CLINT1: variants seen among roughly 807,000 people sequenced by gnomAD.
CLINT1 encodes the protein clathrin interactor 1.
A neutral mutation model predicts 70.4 loss-of-function variants in CLINT1; 15 were observed. That is an observed-to-expected ratio of 0.21 (90% CI 0.14 to 0.33). CLINT1 has a LOEUF of 0.33. CLINT1 is among the 10% of genes least tolerant of loss of function. The pLI, the probability that CLINT1 is intolerant of heterozygous loss-of-function variation, is 1.00. For missense variants in CLINT1, 615 were observed against 778.1 expected (o/e 0.79, Z 2.49); for synonymous variants, 227 against 254.7 (o/e 0.89, Z 1.04).
rs181304995 is a variant in CLINT1 at position 157,791,576 on chromosome 5, C to A, written c.1380+127G>T. The A allele has an allele frequency of 4.5e-3, 3,706 of 830,596 alleles. 86 individuals are homozygous for A. In the African/African-American group the frequency reaches 0.056, roughly 12 times the overall value. 51.5% of individuals were successfully genotyped at this position (830,596 alleles called of 1,614,324 possible). ...GTGCAAATGCGTATATATACACACA[C>A]AGACACATATTCATACACATAAAAA... is the stretch of plus-strand genomic sequence containing the variant. On this transcript the variant is annotated intron_variant, in intron 10 of 11. Transcript: ENST00000411809.
chr5:157,816,780 G>A lies in CLINT1; in HGVS notation c.197C>T (p.Ser66Leu). 6.2e-7 allele frequency: 1 copy of A among 1,610,690 alleles called. No individual in the cohort carries two copies. Among genetic ancestry groups the A allele is most frequent in the Non-Finnish European group, 8.5e-7 (1 of 1,178,906 alleles). Residue 66 changes from serine to leucine, a missense_variant, in exon 3 of 12, where the codon TCA becomes TTA. This residue lies in a region of CLINT1 where 241 missense variants were observed against 368.6 expected (regional missense o/e 0.65). Coordinates refer to ENST00000411809, the MANE Select transcript of CLINT1 (RefSeq NM_014666.4). ...CTTTTTGTTGTCTTTTAACATTCGT[G>A]ACCAAAGCATGTTCATAAGTTCTGG... ...QFPELMNMLW[S>L]RMLKDNKKNW...
intron 1 of CLINT1, among the ~76,000 whole-genome samples, chr5:157,833,585 T>C (rs1763317846): frequency 6.6e-6 from 1 of 152,090 alleles, no homozygotes. Flanking sequence ...CCAAAACAGT[T>C]GGGAGTCTGT....
At chr5:157,840,571 T>G (rs544146740) in intron 1 of CLINT1, among the ~76,000 whole-genome samples, 1 of 147,100 alleles carries the variant, frequency 6.8e-6, no homozygotes. Context: ...GGGAAGTAAG[T>G]GTGTGTGTGT....
In CLINT1 at chr5:157,789,396, G is replaced by C. The variant is rs760979035; in HGVS notation, c.1498C>G (p.Gln500Glu). ...LPGMQPSKPQ[Q>E]PSLNTMIQQQ... Reference sequence around the variant, plus strand: ...TGAATCATTGTATTCAGTGATGGCTGCTGGGGTTTGGAAGGCTGCATACCA... The same window carrying C: ...TGAATCATTGTATTCAGTGATGGCTCCTGGGGTTTGGAAGGCTGCATACCA... The change falls in exon 11 of 12, where the codon CAG becomes GAG. Residue 500 changes from glutamine to glutamate, a missense_variant. Transcript: ENST00000411809. 1 of 1,614,000 alleles carries C rather than the reference G, an allele frequency of 6.2e-7. No individual in the cohort carries two copies. The highest frequency in any genetic ancestry group is 8.5e-7 in the Non-Finnish European group (1 of 1,179,870).
At position 157,811,365 on chromosome 5, in the gene CLINT1, A is replaced by T. The variant is rs1392757476; in HGVS notation, c.518-1560T>A. On this transcript the variant is annotated intron_variant, in intron 5 of 11. Coordinates refer to ENST00000411809, the MANE Select transcript of CLINT1 (RefSeq NM_014666.4). ...AAGACCAGCCTGGCCAACATGGCGA[A>T]ACCCTAAAAATACAAAAATTGGCGA... is the stretch of plus-strand genomic sequence containing the variant. Among the ~76,000 whole-genome samples, 3 of 151,990 alleles carry T rather than the reference A, an allele frequency of 2.0e-5. No homozygotes were observed. The East Asian group carries it at 5.8e-4, about 29-fold the overall frequency.
At chr5:157,851,561 G>A (rs1043761201) in intron 1 of CLINT1, among the ~76,000 whole-genome samples, 3 of 151,480 alleles carry the variant, frequency 2.0e-5, no homozygotes, top group African/African-American at 7.3e-5. Context: ...TGTGACATGT[G>A]TCTGTCGTCC....
chr5:157,813,232 G>A lies in CLINT1; in HGVS notation c.353-5C>T, dbSNP rs1229662128. On this transcript the variant is annotated splice_polypyrimidine_tract_variant and splice_region_variant and intron_variant, in intron 4 of 11. Transcript: ENST00000411809. ...CTTGATCCTTACCATGCTCATCTAT[G>A]AGGATGGTAAGAGATAAGCAAAACC... 3.1e-6 allele frequency: 5 copies of A among 1,610,436 alleles called. No homozygotes were observed. Among genetic ancestry groups the A allele is most frequent in the Non-Finnish European group, 4.2e-6 (5 of 1,179,074 alleles).
At chr5:157,823,002 C>T (rs968802519) in intron 1 of CLINT1, among the ~76,000 whole-genome samples, 2 of 152,042 alleles carry the variant, frequency 1.3e-5, no homozygotes, top group Non-Finnish European at 2.9e-5. Flanking sequence ...CCCAGTTTGC[C>T]TTTTAAATTT....
rs1361177019 is a variant in CLINT1 at position 157,842,487 on chromosome 5, G to A, written c.41+16443C>T. 5.3e-5 allele frequency among the ~76,000 whole-genome samples: 8 copies of A among 152,290 alleles called. No individual in the cohort carries two copies. The East Asian group carries it at 1.3e-3, about 26-fold the overall frequency. On this transcript the variant is annotated intron_variant, in intron 1 of 11. Transcript: ENST00000411809. ...AGGTCTTATAATTGTTCTAGTTAAT[G>A]ACAGAAGTTAATAAACACTAGCAAA...
chr5:157,814,270 G>A lies in CLINT1; in HGVS notation c.267C>T (p.Leu89=). Residue 89 remains leucine (L), a synonymous_variant, in exon 4 of 12, where the codon CTC becomes CTT. Transcript: ENST00000411809. ...CAACACGCTCTGATCCATTCCTTAT[G>A]AGGTAAGCTAGGAGCAGCAACGACT... is the stretch of plus-strand genomic sequence containing the variant. ...VYKSLLLLAY[L]IRNGSERVVT... 1 of 1,610,158 alleles carries A rather than the reference G, an allele frequency of 6.2e-7. No homozygotes were observed. The highest frequency in any genetic ancestry group is 1.3e-5 in the African/African-American group (1 of 74,982).
intron 6 of CLINT1, 73 bp downstream of exon 6, chr5:157,809,554 CA>C: frequency 7.8e-7 from 1 of 1,276,438 alleles, no homozygotes; most frequent in South Asian, 1.8e-5. Context: ...ACAAAACCAA[CA>C]AAAAACCAAA....
At chr5:157,814,683 T>C (rs1451203220) in intron 3 of CLINT1, among the ~76,000 whole-genome samples, 3 of 152,244 alleles carry the variant, frequency 2.0e-5, no homozygotes, top group South Asian at 2.1e-4. Context: ...AACAATCCTA[T>C]AGTATTTTCC....
At chr5:157,809,569 C>A in intron 6 of CLINT1, 59 bp downstream of exon 6, 1 of 1,447,362 alleles carries the variant, frequency 6.9e-7, no homozygotes. Context: ...AACCAAAAAC[C>A]CAGTGGCATA....
Position 157,791,892 on chromosome 5 carries a change from T to A in CLINT1, c.1191A>T (p.Ser397=), listed in dbSNP as rs1761923608. 1.2e-6 allele frequency: 2 copies of A among 1,613,970 alleles called. No individual in the cohort carries two copies. The highest frequency in any genetic ancestry group is 1.7e-6 in the Non-Finnish European group (2 of 1,179,878). The change falls in exon 10 of 12, where the codon TCA becomes TCT. Residue 397 remains serine (S), a synonymous_variant. Transcript: ENST00000411809. ...ASSGEFFGSA[S]QPAVELVSGS... is the part of the protein sequence containing the mutation. ...CACTAACAAGTTCTACCGCTGGCTG[T>A]GAGGCACTGCCAAAGAACTCGCCAC...
At chr5:157,845,340 C>T (rs921563976) in intron 1 of CLINT1, among the ~76,000 whole-genome samples, 3 of 151,738 alleles carry the variant, frequency 2.0e-5, no homozygotes, top group Non-Finnish European at 4.4e-5. Context: ...CAGAGTAAGC[C>T]TCCATCTCAA....
chr5:157,832,592 T>G (rs1301377023), intron 1 of CLINT1, among the ~76,000 whole-genome samples: 3 of 151,290 alleles, frequency 2.0e-5, no homozygotes, highest in Non-Finnish European at 4.4e-5. Context: ...AGGTATCTTC[T>G]TTTCATTCAT....
chr5:157,856,197 G>T (rs1753755038), intron 1 of CLINT1, among the ~76,000 whole-genome samples: 1 of 152,110 alleles, frequency 6.6e-6, no homozygotes, highest in African/African-American at 2.4e-5. Context: ...GAGGATAATG[G>T]CTCCAAAATT....
At chr5:157,836,268 A>T (rs934181872) in intron 1 of CLINT1, among the ~76,000 whole-genome samples, 5 of 152,226 alleles carry the variant, frequency 3.3e-5, no homozygotes, top group African/African-American at 1.2e-4. Context: ...TGAGGCAGCT[A>T]CTATTACTAT....
intron 1 of CLINT1, among the ~76,000 whole-genome samples, chr5:157,853,282 G>A (rs187107090): frequency 6.6e-5 from 10 of 151,618 alleles, no homozygotes; most frequent in East Asian, 2.0e-4. Flanking sequence ...GAGGCCAGTC[G>A]CAGTGAGTTG....
Sources: allele counts gnomAD v4.1 joint callset (sites outside exome capture counted in the v4.1 genomes callset), GRCh38; gene constraint gnomAD v4.1.1; regional missense constraint gnomAD v4.1.1; transcripts MANE v1.5; gene names NCBI Gene and HGNC (gene_info 2026-07-23, HGNC 2026-07-21).